The following PINX1 variants were observed in gnomAD, a reference collection of about 807,000 sequenced individuals.
PINX1 encodes PIN2/TERF1-interacting telomerase inhibitor 1.
Under a neutral mutation model 25.4 loss-of-function variants are expected in PINX1, and 34 were observed. The ratio of observed to expected loss-of-function variants is 1.34; its 90% confidence interval spans 1.02 to 1.78. The LOEUF (loss-of-function observed/expected upper bound fraction) is 1.78, where lower values mean the gene tolerates loss of function less well. PINX1 is among the 40% of genes most tolerant of loss of function. The pLI is 0.00. For synonymous variants in PINX1, 197 were observed against 147.7 expected, an observed-to-expected ratio of 1.33 and a Z score of -2.42; for missense variants, 592 against 404.9, an observed-to-expected ratio of 1.46 and a Z score of -3.97.
chr8:10,823,907 A>G (rs1797953292), intron 5 of PINX1, among the ~76,000 whole-genome samples: 1 of 152,236 alleles, frequency 6.6e-6, no homozygotes, highest in Non-Finnish European at 1.5e-5. Context: ...CTGTAATCTT[A>G]GTAGAGTAAA....
At chr8:10,772,413 TTC>T (rs1310489224) in intron 6 of PINX1, among the ~76,000 whole-genome samples, 1 of 152,262 alleles carries the variant, frequency 6.6e-6, no homozygotes, top group Non-Finnish European at 1.5e-5. Flanking sequence ...GGCCCTGCTC[TTC>T]TCTCTATGGA....
At chr8:10,828,385 G>T (rs1798121636) in intron 4 of PINX1, among the ~76,000 whole-genome samples, 1 of 152,180 alleles carries the variant, frequency 6.6e-6, no homozygotes, top group Non-Finnish European at 1.5e-5. Context: ...CGCTGGACTG[G>T]AGGCTTTCCA....
chr8:10,798,499 G>A (rs1278508323), intron 6 of PINX1, among the ~76,000 whole-genome samples: 1 of 152,184 alleles, frequency 6.6e-6, no homozygotes, highest in East Asian at 1.9e-4. Flanking sequence ...TATAACAGTG[G>A]AAATTACTAA....
rs770114592 is a variant in PINX1 at position 10,820,210 on chromosome 8, T to A, written c.454A>T (p.Ser152Cys). ...DLDCIFGKRQ[S>C]KKTPEGDASP... ...CTTTATACCTCGGGAGTCTTCTTAC[T>A]CTGTCTTTTCCCAAAAATGCAGTCA... The change falls in exon 6 of 7, where the codon AGT becomes TGT. Residue 152 changes from serine to cysteine, a missense_variant. Transcript: ENST00000314787. 6.2e-7 allele frequency: 1 copy of A among 1,610,992 alleles called. No homozygotes were observed. Among genetic ancestry groups the A allele is most frequent in the Admixed American group, 1.7e-5 (1 of 60,008 alleles).
intron 6 of PINX1, among the ~76,000 whole-genome samples, chr8:10,807,916 G>A (rs1007555596): frequency 6.6e-6 from 1 of 152,082 alleles, no homozygotes; most frequent in African/African-American, 2.4e-5. Context: ...TAAGAGAGAG[G>A]TCTCCTGGGA....
chr8:10,811,838 T>TA (rs1303448277), intron 6 of PINX1, among the ~76,000 whole-genome samples: 1 of 152,184 alleles, frequency 6.6e-6, no homozygotes, highest in Admixed American at 6.5e-5. Context: ...CCTGGAACCC[T>TA]ACTGCTAGAC....
chr8:10,820,154 T>C (rs1214240843), intron 6 of PINX1, 39 bp downstream of exon 6: 2 of 1,244,164 alleles, frequency 1.6e-6, no homozygotes, highest in Admixed American at 1.7e-5. Context: ...AATCAGACAG[T>C]ATTAAAGCGG....
chr8:10,807,320 C>T (rs965727163), intron 6 of PINX1, among the ~76,000 whole-genome samples: 2 of 57,590 alleles, frequency 3.5e-5, no homozygotes, highest in African/African-American at 1.6e-4. Flanking sequence ...AAGAAAATCC[C>T]CCCCCCACCC....
chr8:10,831,095 C>T (rs148302812), intron 4 of PINX1, among the ~76,000 whole-genome samples: 2 of 152,180 alleles, frequency 1.3e-5, no homozygotes, highest in Admixed American at 6.5e-5. Context: ...ATACACACCA[C>T]GGAATACTAT....
chr8:10,770,139 T>A (rs1801178279), intron 6 of PINX1, among the ~76,000 whole-genome samples: 1 of 152,228 alleles, frequency 6.6e-6, no homozygotes, highest in Non-Finnish European at 1.5e-5. Context: ...GTCCAAACCT[T>A]CCACCCAGGC....
chr8:10,826,156 T>C lies in PINX1; in HGVS notation c.390A>G (p.Thr130=). ...TAAAGAAATGCTTAATCTTACCTTT[T>C]GTGAATTTCATATAGTGAACACGGT... ...SKNRVHYMKF[T]KGKDLSSRSK... is the part of the protein sequence containing the mutation. Residue 130 remains threonine (T), a synonymous_variant, in exon 5 of 7, where the codon ACA becomes ACG. Transcript: ENST00000314787. 6.5e-7 allele frequency: 1 copy of C among 1,526,720 alleles called. No individual in the cohort carries two copies. Among genetic ancestry groups the C allele is most frequent in the African/African-American group, 1.4e-5 (1 of 72,872 alleles). 94.6% of individuals were successfully genotyped at this position (1,526,720 alleles called of 1,614,324 possible).
At chr8:10,804,512 G>A (rs991755133) in intron 6 of PINX1, among the ~76,000 whole-genome samples, 1 of 152,080 alleles carries the variant, frequency 6.6e-6, no homozygotes, top group Non-Finnish European at 1.5e-5. Flanking sequence ...TCTGTCATAC[G>A]CTGGGCACTG....
chr8:10,813,461 T>C (rs887144499), intron 6 of PINX1, among the ~76,000 whole-genome samples: 1 of 152,142 alleles, frequency 6.6e-6, no homozygotes, highest in Non-Finnish European at 1.5e-5. Flanking sequence ...TGGTCCAAAA[T>C]ACCTCATGAA....
Position 10,776,127 on chromosome 8 carries a change from G to C in PINX1, c.472-10211C>G, listed in dbSNP as rs1408111483. Among the ~76,000 whole-genome samples the C allele has an allele frequency of 2.6e-5, 4 of 152,112 alleles. No homozygotes were observed. In the East Asian group the frequency reaches 7.7e-4, roughly 29 times the overall value. Reference sequence around the variant, plus strand: ...AAAAGGAGAAGGCAAAAGCTTTCGAGAATAAAATTGGTCTTGGGCTGGGGG... The same window carrying C: ...AAAAGGAGAAGGCAAAAGCTTTCGACAATAAAATTGGTCTTGGGCTGGGGG... On this transcript the variant is annotated intron_variant, in intron 6 of 6. Transcript: ENST00000314787.
rs73209912 is a variant in PINX1 at position 10,835,044 on chromosome 8, A to C, written c.20-269T>G. ...TCATAATGTGGCAAAGCAAATGCTC[A>C]ATATACTAGAGCTGGGCCTTCCATA... is the stretch of plus-strand genomic sequence containing the variant. On this transcript the variant is annotated intron_variant, in intron 1 of 6. Coordinates refer to ENST00000314787, the MANE Select transcript of PINX1 (RefSeq NM_017884.6). 6.5e-3 allele frequency among the ~76,000 whole-genome samples: 991 copies of C among 152,344 alleles called. 8 individuals carry two copies. The highest frequency in any genetic ancestry group is 0.01 in the Non-Finnish European group (690 of 68,028).
In PINX1 at chr8:10,765,471, A is replaced by G. The variant is rs764322212; in HGVS notation, c.917T>C (p.Val306Ala). 6.2e-7 allele frequency: 1 copy of G among 1,613,104 alleles called. No homozygotes were observed. Among genetic ancestry groups the G allele is most frequent in the East Asian group, 2.2e-5 (1 of 44,874 alleles). ...RRGKKKLQKP[V>A]EIAEDATLEE... ...TAGTGTAGCGTCCTCTGCTATCTCT[A>G]CTGGTTTTTGCAGCTTTTTCTTCCC... Residue 306 changes from valine (V) to alanine (A), a missense_variant, in exon 7 of 7, where the codon GTA becomes GCA. Coordinates refer to ENST00000314787, the MANE Select transcript of PINX1 (RefSeq NM_017884.6).
chr8:10,839,564 CG>C, intron 1 of PINX1, 173 bp downstream of exon 1: 1 of 644,538 alleles, frequency 1.6e-6, no homozygotes, highest in Non-Finnish European at 2.7e-6. Context: ...GGCCAACTTT[CG>C]GGGAGCTCTG....
Position 10,787,733 on chromosome 8 carries a change from T to C in PINX1, c.472-21817A>G, listed in dbSNP as rs190734774. The C allele has an allele frequency of 4.1e-4, 186 of 448,816 alleles. 1 individual carries two copies. Among genetic ancestry groups the C allele is most frequent in the African/African-American group, 3.3e-3 (166 of 49,558 alleles). The allele number at this position is 448,816 out of a possible 1,614,324, so 27.8% of individuals were successfully genotyped here. On this transcript the variant is annotated intron_variant, in intron 6 of 6. Coordinates refer to ENST00000314787, the MANE Select transcript of PINX1 (RefSeq NM_017884.6). Reference sequence around the variant, plus strand: ...GTGTACGGTCTCTTTACGAAGTGAATACATTAAAGCCCACTGGGAAGGTGA... The same window carrying C: ...GTGTACGGTCTCTTTACGAAGTGAACACATTAAAGCCCACTGGGAAGGTGA...
chr8:10,783,345 G>A (rs1255698135), intron 6 of PINX1, among the ~76,000 whole-genome samples: 1 of 152,182 alleles, frequency 6.6e-6, no homozygotes, highest in East Asian at 1.9e-4. Flanking sequence ...TTGTTTCAAA[G>A]TAACACAGAA....
Sources: gnomAD v4.1 joint callset for allele counts (sites outside exome capture counted in the v4.1 genomes callset) on GRCh38, gnomAD v4.1.1 for gene constraint, MANE v1.5 for transcripts, NCBI Gene and HGNC (gene_info 2026-07-23, HGNC 2026-07-21) for gene names.